Variants in SERPINB8 observed in about 807,000 individuals in gnomAD.
SERPINB8 encodes serpin B8.
In SERPINB8, 25 loss-of-function variants were observed where a neutral mutation model predicts 35.3. The ratio of observed to expected loss-of-function variants is 0.71; its 90% CI spans 0.52 to 0.99. The LOEUF (loss-of-function observed/expected upper bound fraction) is 0.99, where lower values mean the gene tolerates loss of function less well. SERPINB8 is among the 50% of genes least tolerant of loss of function. SERPINB8 has a pLI of 0.00. For missense variants in SERPINB8, 484 were observed against 446.5 expected, an observed-to-expected ratio of 1.08 and a Z score of -0.76; for synonymous variants, 186 against 160.8, an observed-to-expected ratio of 1.16 and a Z score of -1.19.
chr18:63,983,959 A>C (rs2050712358), intron 5 of SERPINB8, among the ~76,000 whole-genome samples: 1 of 152,022 alleles, frequency 6.6e-6, no homozygotes, highest in African/African-American at 2.4e-5. Context: ...TGATTCCCCA[A>C]CCTTAGCTTC....
exon 2 of SERPINB8, chr18:64,005,547 G>A (rs2050896103): frequency 6.6e-6 from 1 of 152,150 alleles, no homozygotes; most frequent in Non-Finnish European, 1.5e-5. Flanking sequence ...ACAGTGAGAA[G>A]GTGCCATCTA....
chr18:64,019,080 T>G (rs2050963836), exon 8 of SERPINB8: 1 of 152,240 alleles, frequency 6.6e-6, no homozygotes, highest in Non-Finnish European at 1.5e-5. Flanking sequence ...GAAATTGTCC[T>G]TCAGATGTCT....
downstream of SERPINB8, among the ~76,000 whole-genome samples, chr18:64,008,057 G>A (rs1044618297): frequency 3.9e-5 from 6 of 152,140 alleles, no homozygotes; most frequent in African/African-American, 1.4e-4. Context: ...AAAGTATTTT[G>A]TATCATAAAA....
At chr18:63,978,210 C>G (rs973349637) in intron 1 of SERPINB8, 89 bp from the exon 2 acceptor site, 1 of 1,422,632 alleles carries the variant, frequency 7.0e-7, no homozygotes, top group African/African-American at 1.4e-5. Flanking sequence ...CACCTACCAC[C>G]TCAGCGTCCA....
At chr18:63,977,237 T>C (rs1437200818) in intron 1 of SERPINB8, among the ~76,000 whole-genome samples, 1 of 152,148 alleles carries the variant, frequency 6.6e-6, no homozygotes, top group Admixed American at 6.5e-5. Context: ...CTCAGTCTTC[T>C]CATCTCTAAA....
chr18:63,998,847 A>G (rs2050861891), intron 1 of SERPINB8, among the ~76,000 whole-genome samples: 1 of 152,156 alleles, frequency 6.6e-6, no homozygotes, highest in African/African-American at 2.4e-5. Context: ...ATAACCATCA[A>G]TTCAATGTCT....
At chr18:63,974,252 T>A (rs550694367) in intron 1 of SERPINB8, among the ~76,000 whole-genome samples, 1 of 152,236 alleles carries the variant, frequency 6.6e-6, no homozygotes, top group Non-Finnish European at 1.5e-5. Flanking sequence ...CATATGTGTG[T>A]CTTCTTTAGG....
intron 1 of SERPINB8, among the ~76,000 whole-genome samples, chr18:63,973,702 C>T (rs1349496868): frequency 6.6e-6 from 1 of 152,126 alleles, no homozygotes; most frequent in Admixed American, 6.6e-5. Context: ...TTTCAGCTTT[C>T]TACATATGCC....
At chr18:64,001,988 G>T (rs1243790927) in intron 1 of SERPINB8, among the ~76,000 whole-genome samples, 1 of 152,138 alleles carries the variant, frequency 6.6e-6, no homozygotes, top group East Asian at 1.9e-4. Context: ...TTCCAGTTGC[G>T]GAGGCCCCTT....
Position 63,998,979 on chromosome 18 carries a change from C to T in SERPINB8, c.71-5840C>T, listed in dbSNP as rs376988319. ...GAAGCCAAGCCAGAATATTTAGGTT[C>T]ACCATTCTAAGAATGAATTAAGAGC... On this transcript the variant is annotated intron_variant, in intron 1 of 1. Coordinates refer to the SERPINB8 transcript ENST00000493661. 3.3e-4 allele frequency among the ~76,000 whole-genome samples: 50 copies of T among 152,344 alleles called. No homozygotes were observed. In the South Asian group the frequency reaches 0.01, roughly 31 times the overall value.
downstream of SERPINB8, among the ~76,000 whole-genome samples, chr18:63,992,091 T>A (rs1311732719): frequency 6.6e-6 from 1 of 152,238 alleles, no homozygotes; most frequent in East Asian, 1.9e-4. Flanking sequence ...TAGTCTGTAC[T>A]ATTCCTATTT....
At chr18:63,977,572 C>T (rs1007338456) in intron 1 of SERPINB8, among the ~76,000 whole-genome samples, 2 of 152,154 alleles carry the variant, frequency 1.3e-5, no homozygotes, top group Non-Finnish European at 2.9e-5. Context: ...AAGTGATCTG[C>T]CTGCCTTGGC....
intron 1 of SERPINB8, among the ~76,000 whole-genome samples, chr18:63,975,245 A>G (rs1326661485): frequency 3.9e-5 from 6 of 151,920 alleles, no homozygotes; most frequent in Non-Finnish European, 8.8e-5. Context: ...AGTTTACCCA[A>G]TTCTCTCCAT....
chr18:63,982,721 A>T (rs1483693790), intron 4 of SERPINB8, among the ~76,000 whole-genome samples: 1 of 152,124 alleles, frequency 6.6e-6, no homozygotes, highest in African/African-American at 2.4e-5. Context: ...GGAACCTAGA[A>T]GTTTCTCCAC....
At chr18:64,013,092 T>C (rs1353510877) in intron 7 of SERPINB8, among the ~76,000 whole-genome samples, 1 of 152,164 alleles carries the variant, frequency 6.6e-6, no homozygotes, top group East Asian at 1.9e-4. Context: ...TCACAATTTT[T>C]TTTTTCTTTA....
intron 1 of SERPINB8, among the ~76,000 whole-genome samples, chr18:63,995,357 G>A (rs2050844283): frequency 6.6e-6 from 1 of 152,188 alleles, no homozygotes; most frequent in Non-Finnish European, 1.5e-5. Flanking sequence ...TGTCCTTCTT[G>A]GCCATGCTGA....
intron 7 of SERPINB8, among the ~76,000 whole-genome samples, chr18:64,010,944 CAT>C (rs10540776): frequency 0.63 from 93,288 of 148,990 alleles, 29,156 homozygotes; most frequent in Admixed American, 0.7. Context: ...TTACTATTAA[CAT>C]ATATATATAT....
chr18:64,019,009 A>G (rs942800632), exon 8 of SERPINB8: 1 of 152,174 alleles, frequency 6.6e-6, no homozygotes, highest in Non-Finnish European at 1.5e-5. Context: ...GACTGTCACA[A>G]TCTTTGTGCT....
chr18:64,012,158 AAT>A (rs1347631021), intron 7 of SERPINB8, among the ~76,000 whole-genome samples: 3 of 152,174 alleles, frequency 2.0e-5, no homozygotes, highest in African/African-American at 7.2e-5. Context: ...TATATAATAA[AAT>A]ATATGTCTGA....
Sources: gnomAD v4.1 joint callset for allele counts (sites outside exome capture counted in the v4.1 genomes callset) on GRCh38, gnomAD v4.1.1 for gene constraint, MANE v1.5 for transcripts, NCBI Gene and HGNC (gene_info 2026-07-23, HGNC 2026-07-21) for gene names.